The following MDGA2 variants were observed in gnomAD, a reference collection of about 807,000 sequenced individuals.
MDGA2 encodes MAM domain-containing glycosylphosphatidylinositol anchor protein 2.
Under a neutral mutation model 117.8 loss-of-function variants are expected in MDGA2, and 40 were observed. That is an observed-to-expected ratio of 0.34 (90% CI 0.26 to 0.44). The LOEUF (loss-of-function observed/expected upper bound fraction) is 0.44. Ranked by LOEUF, MDGA2 falls within the 20% of genes least tolerant of loss-of-function variation. The probability of loss-of-function intolerance (pLI) is 1.00; values close to 1 mark genes in which losing one functional copy is unlikely to be tolerated. For synonymous variants in MDGA2, 452 were observed against 439.0 expected (o/e 1.03, Z -0.37); for missense variants, 1,123 against 1,250.6 (o/e 0.90, Z 1.54).
chr14:47,236,675 G>A (rs1363335627), intron 2 of MDGA2, among the ~76,000 whole-genome samples: 1 of 152,170 alleles, frequency 6.6e-6, no homozygotes, highest in Non-Finnish European at 1.5e-5. Context: ...TGCCTTCTGA[G>A]AGCAGATAAA....
intron 8 of MDGA2, among the ~76,000 whole-genome samples, chr14:47,004,067 TA>T (rs1224833543): frequency 6.6e-6 from 1 of 151,934 alleles, no homozygotes; most frequent in Non-Finnish European, 1.5e-5. Flanking sequence ...ATGAAAGATA[TA>T]TATTCAGAAT....
intron 6 of MDGA2, among the ~76,000 whole-genome samples, chr14:47,083,335 G>C (rs1400334069): frequency 2.0e-5 from 3 of 151,840 alleles, no homozygotes; most frequent in African/African-American, 7.3e-5. Flanking sequence ...TAGGGCCTAG[G>C]GGGGTGGGGT....
At chr14:47,500,161 T>C (rs1177949532) in intron 1 of MDGA2, among the ~76,000 whole-genome samples, 3 of 152,170 alleles carry the variant, frequency 2.0e-5, no homozygotes, top group Non-Finnish European at 2.9e-5. Context: ...CAAAACTATG[T>C]TGAACACATT....
At chr14:47,522,013 A>G (rs1282892053) in intron 1 of MDGA2, among the ~76,000 whole-genome samples, 1 of 152,130 alleles carries the variant, frequency 6.6e-6, no homozygotes. Context: ...AAACAAAACG[A>G]AACAAAAAAC....
At chr14:47,400,095 A>T (rs776170740) in intron 1 of MDGA2, among the ~76,000 whole-genome samples, 1 of 152,224 alleles carries the variant, frequency 6.6e-6, no homozygotes, top group Non-Finnish European at 1.5e-5. Context: ...AACAGAAAAA[A>T]AATTCAAGGT....
intron 1 of MDGA2, among the ~76,000 whole-genome samples, chr14:47,357,166 G>A (rs1321947019): frequency 6.6e-6 from 1 of 152,110 alleles, no homozygotes; most frequent in African/African-American, 2.4e-5. Context: ...AATATACCTA[G>A]GACAGTGCAC....
intron 1 of MDGA2, among the ~76,000 whole-genome samples, chr14:47,368,189 G>A (rs1444740843): frequency 6.6e-6 from 1 of 152,120 alleles, no homozygotes; most frequent in African/African-American, 2.4e-5. Context: ...GGCTGAGGCA[G>A]GAGAATCGCT....
intron 8 of MDGA2, among the ~76,000 whole-genome samples, chr14:47,023,197 G>GC (rs1435992503): frequency 1.4e-5 from 1 of 69,630 alleles, no homozygotes; most frequent in Non-Finnish European, 2.7e-5. Context: ...ATTCCCACTC[G>GC]TAAAAAAAAA....
chr14:46,873,641 T>C (rs755698149), intron 13 of MDGA2, 50 bp from the exon 14 acceptor site: 1 of 1,508,886 alleles, frequency 6.6e-7, no homozygotes, highest in Non-Finnish European at 9.0e-7. Flanking sequence ...TTAGGCATAA[T>C]GAAATTTCAA....
rs1889054588 is a variant in MDGA2 at position 47,041,212 on chromosome 14, A to C, written c.1526-5908T>G. Among the ~76,000 whole-genome samples, 3 of 152,054 alleles carry C rather than the reference A, an allele frequency of 2.0e-5. No homozygotes were observed. The South Asian group carries it at 6.2e-4, about 31-fold the overall frequency. ...AAGGAAGTCAAGAAAAGACTCTTCCAGTTCTCTTTTTTCTTTCATTTAAAT... is the reference window on the plus strand; with the variant it reads ...AAGGAAGTCAAGAAAAGACTCTTCCCGTTCTCTTTTTTCTTTCATTTAAAT... On this transcript the variant is annotated intron_variant, in intron 7 of 16. Transcript: ENST00000399232.
chr14:46,999,566 C>A (rs1030590309), intron 8 of MDGA2, among the ~76,000 whole-genome samples: 7 of 152,000 alleles, frequency 4.6e-5, no homozygotes, highest in Non-Finnish European at 8.8e-5. Context: ...GATGTATTTG[C>A]AGTGAGGTAA....
chr14:47,296,709 A>C (rs982749133), intron 2 of MDGA2, among the ~76,000 whole-genome samples: 2 of 152,238 alleles, frequency 1.3e-5, no homozygotes, highest in African/African-American at 4.8e-5. Context: ...GAAGGAAACT[A>C]TGCTACAGCA....
intron 1 of MDGA2, among the ~76,000 whole-genome samples, chr14:47,397,702 T>G (rs532472119): frequency 1.3e-5 from 2 of 152,130 alleles, no homozygotes; most frequent in Non-Finnish European, 2.9e-5. Context: ...CATATATGAA[T>G]ACATGCAAAC....
chr14:47,158,359 G>GGGGTGTGT (rs1555358926), intron 3 of MDGA2, among the ~76,000 whole-genome samples: 1 of 119,984 alleles, frequency 8.3e-6, no homozygotes, highest in Non-Finnish European at 1.8e-5. Flanking sequence ...ATATCCCTGG[G>GGGGTGTGT]GTGGGTGTGT....
intron 2 of MDGA2, among the ~76,000 whole-genome samples, chr14:47,231,245 C>T (rs1886678780): frequency 6.6e-6 from 1 of 151,920 alleles, no homozygotes; most frequent in South Asian, 2.1e-4. Flanking sequence ...ACTTATTCGG[C>T]CAAATTATTT....
At chr14:46,945,274 C>T (rs2138592598) in intron 9 of MDGA2, among the ~76,000 whole-genome samples, 1 of 152,186 alleles carries the variant, frequency 6.6e-6, no homozygotes, top group East Asian at 1.9e-4. Flanking sequence ...TAAATTTTAG[C>T]AGAGCTTGGT....
At chr14:46,910,236 C>T (rs1883646746) in intron 10 of MDGA2, among the ~76,000 whole-genome samples, 2 of 152,092 alleles carry the variant, frequency 1.3e-5, no homozygotes. Context: ...CCCTAGCCTC[C>T]ATTCAATCAT....
intron 5 of MDGA2, among the ~76,000 whole-genome samples, chr14:47,109,537 G>A (rs1880920836): frequency 6.6e-6 from 1 of 152,130 alleles, no homozygotes; most frequent in African/African-American, 2.4e-5. Context: ...ACCCAGAAGA[G>A]TATTTGACAA....
At chr14:47,582,893 ACTCAGTCTCTCACTGCATAAG>A (rs1896255064) in intron 1 of MDGA2, among the ~76,000 whole-genome samples, 2 of 151,918 alleles carry the variant, frequency 1.3e-5, no homozygotes, top group South Asian at 4.1e-4. Context: ...GTCAGGTTCA[ACTCAGTCTCTCACTGCATAAG>A]CTTCTAATTA....
Sources: gnomAD v4.1 joint callset for allele counts (sites outside exome capture counted in the v4.1 genomes callset) on GRCh38, gnomAD v4.1.1 for gene constraint, MANE v1.5 for transcripts, NCBI Gene and HGNC (gene_info 2026-07-23, HGNC 2026-07-21) for gene names.